The following ANKRD30B variants were observed in gnomAD, a reference collection of about 807,000 sequenced individuals.
ANKRD30B encodes ankyrin repeat domain-containing protein 30B.
Under a neutral mutation model 202.2 loss-of-function variants are expected in ANKRD30B, and 144 were observed. The observed-to-expected ratio is 0.71, with a 90% confidence interval of 0.62 to 0.82. The LOEUF is 0.82. Ranked by LOEUF, ANKRD30B falls within the 40% of genes least tolerant of loss-of-function variation. The pLI, the probability that ANKRD30B is intolerant of heterozygous loss-of-function variation, is 0.00. For missense variants in ANKRD30B, 1,487 were observed against 1,669.1 expected (o/e 0.89, Z 1.90); for synonymous variants, 508 against 561.3 (o/e 0.91, Z 1.34).
the ANKRD30B span, among the ~76,000 whole-genome samples, chr18:14,916,955 G>A: frequency 6.6e-6 from 1 of 152,200 alleles, no homozygotes; most frequent in African/African-American, 2.4e-5. Flanking sequence ...TTACTTAAAT[G>A]TCGGTCATCA....
intron 5 of ANKRD30B, chr18:14,759,437 A>G (rs1914902021): frequency 6.6e-6 from 1 of 152,252 alleles, no homozygotes; most frequent in Admixed American, 6.5e-5. Flanking sequence ...GAGATGTGGT[A>G]ACACATAGGA....
intron 8 of ANKRD30B, among the ~76,000 whole-genome samples, chr18:14,769,819 C>T (rs143826830): frequency 6.6e-6 from 1 of 152,168 alleles, no homozygotes; most frequent in African/African-American, 2.4e-5. Flanking sequence ...ATACTTTGTT[C>T]TAACATGTTT....
At chr18:14,765,968 G>A (rs949926487) in intron 7 of ANKRD30B, among the ~76,000 whole-genome samples, 13 of 152,100 alleles carry the variant, frequency 8.5e-5, no homozygotes, top group Non-Finnish European at 1.8e-4. Flanking sequence ...AAAGCCATCA[G>A]TTAAGGGGCC....
the ANKRD30B span, among the ~76,000 whole-genome samples, chr18:14,929,748 T>C: frequency 1.3e-5 from 2 of 151,908 alleles, no homozygotes; most frequent in Admixed American, 6.6e-5. Context: ...CATTTGGGGA[T>C]TGGTGGGTGG....
intron 5 of ANKRD30B, 119 bp downstream of exon 5, chr18:14,758,071 A>T (rs1221152631): frequency 9.1e-7 from 1 of 1,096,936 alleles, no homozygotes. Context: ...CAGACTAGTT[A>T]GAAGGAGTAC....
the ANKRD30B span, among the ~76,000 whole-genome samples, chr18:14,860,582 AC>A: frequency 1.7e-4 from 25 of 150,276 alleles, no homozygotes; most frequent in Admixed American, 1.3e-3. Context: ...ATGGGCTCAA[AC>A]AAAGGGCCAA....
the ANKRD30B span, chr18:14,883,399 C>CTATA: frequency 3.0e-4 from 11 of 37,202 alleles, no homozygotes; most frequent in African/African-American, 7.8e-4. Flanking sequence ...CTCTCTCTCT[C>CTATA]TATATATATA....
At chr18:14,791,291 T>G in intron 15 of ANKRD30B, 110 bp from the exon 16 acceptor site, 1 of 884,328 alleles carries the variant, frequency 1.1e-6, no homozygotes, top group East Asian at 2.7e-5. Context: ...TCGAATTGTT[T>G]GCAAACTAGG....
the ANKRD30B span, among the ~76,000 whole-genome samples, chr18:14,872,547 C>A: frequency 6.6e-6 from 1 of 152,082 alleles, no homozygotes; most frequent in Non-Finnish European, 1.5e-5. Context: ...ATCAATGCAG[C>A]GTGGTCCTTT....
chr18:14,826,974 T>C (rs1197819253), intron 32 of ANKRD30B, among the ~76,000 whole-genome samples: 1 of 152,174 alleles, frequency 6.6e-6, no homozygotes, highest in Non-Finnish European at 1.5e-5. Flanking sequence ...AAGTGTCTTG[T>C]ATTGTACTCG....
the ANKRD30B span, among the ~76,000 whole-genome samples, chr18:14,934,189 A>C: frequency 3.3e-5 from 5 of 152,222 alleles, no homozygotes; most frequent in Admixed American, 3.3e-4. Flanking sequence ...TGGCTCCGCC[A>C]GGCTTGGTCT....
intron 22 of ANKRD30B, among the ~76,000 whole-genome samples, chr18:14,800,754 A>AT (rs1199374338): frequency 4.4e-5 from 4 of 91,056 alleles, no homozygotes; most frequent in Admixed American, 2.5e-4. Flanking sequence ...AATACATAAA[A>AT]TTTTTTTCAA....
chr18:14,931,842 A>T, the ANKRD30B span, among the ~76,000 whole-genome samples: 1 of 119,504 alleles, frequency 8.4e-6, no homozygotes, highest in African/African-American at 3.2e-5. Context: ...CTGGCCTGAA[A>T]CCATTTGAGG....
chr18:14,887,729 G>GT, the ANKRD30B span, among the ~76,000 whole-genome samples: 1 of 151,894 alleles, frequency 6.6e-6, no homozygotes, highest in South Asian at 2.1e-4. Flanking sequence ...GCTTATTAAA[G>GT]TTTTTTAATA....
chr18:14,836,194 A>G (rs1394688706), intron 34 of ANKRD30B, among the ~76,000 whole-genome samples: 2 of 152,174 alleles, frequency 1.3e-5, no homozygotes, highest in African/African-American at 4.8e-5. Context: ...AAATGTATTT[A>G]TCTAGATCTT....
chr18:14,764,898 T>A (rs1915866452), intron 7 of ANKRD30B, among the ~76,000 whole-genome samples: 1 of 152,244 alleles, frequency 6.6e-6, no homozygotes, highest in Non-Finnish European at 1.5e-5. Flanking sequence ...AAAGCAAATG[T>A]AATTACTGTG....
At chr18:14,782,860 ATAAG>A (rs1452773634) in intron 12 of ANKRD30B, among the ~76,000 whole-genome samples, 1 of 152,224 alleles carries the variant, frequency 6.6e-6, no homozygotes, top group Non-Finnish European at 1.5e-5. Context: ...AAGTCAGGAA[ATAAG>A]TAAGGGAAAA....
chr18:14,811,220 C>T (rs1246325436), intron 28 of ANKRD30B, among the ~76,000 whole-genome samples: 66 of 151,456 alleles, frequency 4.4e-4, no homozygotes, highest in African/African-American at 1.6e-3. Context: ...TTTGATATGG[C>T]GTCTCGCTGT....
Position 14,799,137 on chromosome 18 carries a change from C to A in ANKRD30B, c.2058+8C>A. 6.3e-7 allele frequency: 1 copy of A among 1,582,918 alleles called. No individual in the cohort carries two copies. Among genetic ancestry groups the A allele is most frequent in the South Asian group, 1.1e-5 (1 of 89,822 alleles). The stretch of plus-strand genomic sequence containing the variant: ...AATGATGGTCTTCTGAAGGTAATAA[C>A]TTTTATATTTTTATCTTGAATATTA... On this transcript the variant is annotated splice_region_variant and intron_variant, in intron 21 of 43. Transcript: ENST00000690538.
Sources: gnomAD v4.1 joint callset for allele counts (sites outside exome capture counted in the v4.1 genomes callset) on GRCh38, gnomAD v4.1.1 for gene constraint, MANE v1.5 for transcripts, NCBI Gene and HGNC (gene_info 2026-07-23, HGNC 2026-07-21) for gene names.